The following COL19A1 variants were observed in gnomAD, a reference collection of about 807,000 sequenced individuals.
COL19A1 encodes the protein collagen alpha-1(XIX) chain.
A neutral mutation model predicts 190.2 loss-of-function variants in COL19A1; 159 were observed. That is an observed-to-expected ratio of 0.84 (90% CI 0.73 to 0.95). The LOEUF (loss-of-function observed/expected upper bound fraction) is 0.95. Ranked by LOEUF, COL19A1 falls within the 40% of genes least tolerant of loss-of-function variation. COL19A1 has a pLI of 0.00. For synonymous variants in COL19A1, 509 were observed against 458.9 expected, an observed-to-expected ratio of 1.11 and a Z score of -1.39; for missense variants, 1,418 against 1,431.9, an observed-to-expected ratio of 0.99 and a Z score of 0.16.
chr6:70,133,805 C>G (rs1008861236), intron 18 of COL19A1, among the ~76,000 whole-genome samples: 1 of 152,124 alleles, frequency 6.6e-6, no homozygotes, highest in African/African-American at 2.4e-5. Flanking sequence ...CCATATGTGT[C>G]TAAGGTTCAG....
chr6:70,090,222 A>G (rs1782823790), intron 15 of COL19A1, among the ~76,000 whole-genome samples: 1 of 152,096 alleles, frequency 6.6e-6, no homozygotes. Flanking sequence ...TGGAAATGTT[A>G]TACGGTCAGC....
intron 4 of COL19A1, among the ~76,000 whole-genome samples, chr6:69,913,210 T>C (rs1380155550): frequency 1.3e-5 from 2 of 152,254 alleles, no homozygotes; most frequent in Non-Finnish European, 2.9e-5. Context: ...AAGAGGGCTA[T>C]ATTGAGAAAA....
In COL19A1 at chr6:69,921,466, A is replaced by G. The variant is rs1389146771; in HGVS notation, c.267-6443A>G. The stretch of plus-strand genomic sequence containing the variant: ...ATATCATATATCATATATATCATAT[A>G]TATTCATATATTCATATATATTCAT... On this transcript the variant is annotated intron_variant, in intron 4 of 50. Transcript: ENST00000620364. Among the ~76,000 whole-genome samples the G allele has an allele frequency of 5.0e-5, 6 of 120,390 alleles. 1 individual carries two copies. Among genetic ancestry groups the G allele is most frequent in the Non-Finnish European group, 8.0e-5 (5 of 62,574 alleles). The allele number at this position is 120,390 out of a possible 152,430, so 79.0% of individuals were successfully genotyped here. A position where few individuals can be genotyped will look rare whatever the true frequency, so the allele number is the denominator to read the frequency against.
chr6:70,091,798 A>C (rs1782942538), intron 15 of COL19A1, among the ~76,000 whole-genome samples: 1 of 152,146 alleles, frequency 6.6e-6, no homozygotes, highest in African/African-American at 2.4e-5. Context: ...CTGGGTCACC[A>C]GCTTTCCCAG....
chr6:70,065,661 G>A (rs1156378064), intron 14 of COL19A1, among the ~76,000 whole-genome samples: 2 of 152,186 alleles, frequency 1.3e-5, no homozygotes, highest in African/African-American at 4.8e-5. Flanking sequence ...TGCCATCAGA[G>A]TGAACAGGCA....
intron 15 of COL19A1, among the ~76,000 whole-genome samples, chr6:70,096,082 C>CTTTTT (rs1783243825): frequency 9.4e-6 from 1 of 106,640 alleles, no homozygotes. Flanking sequence ...TACGGTAACT[C>CTTTTT]TATTTTTTTT....
chr6:70,121,896 A>C lies in COL19A1; in HGVS notation c.1295A>C (p.Gln432Pro). ...PPGPPGPPGI[Q>P]GIHQTLGGYY... ...ATAATACAGGGACCTCCTGGAATAC[A>C]AGGAATACACCAAACTCTTGGTGGA... The change falls in exon 17 of 51, where the codon CAA becomes CCA. Residue 432 changes from glutamine (Q) to proline (P), a missense_variant. Transcript: ENST00000620364. 3.8e-6 allele frequency: 6 copies of C among 1,588,398 alleles called. No individual in the cohort carries two copies. The highest frequency in any genetic ancestry group is 5.1e-6 in the Non-Finnish European group (6 of 1,169,002).
At chr6:70,070,950 A>G (rs1418466478) in intron 15 of COL19A1, among the ~76,000 whole-genome samples, 2 of 152,176 alleles carry the variant, frequency 1.3e-5, no homozygotes, top group South Asian at 2.1e-4. Context: ...TGGTTGACCA[A>G]GAAGGTATTG....
In COL19A1 at chr6:69,996,916, TTG is replaced by T. The variant is rs200468204; in HGVS notation, c.1027-26689_1027-26688del. Among the ~76,000 whole-genome samples the T allele has an allele frequency of 2.4e-3, 356 of 145,970 alleles. 3 individuals carry two copies. The highest frequency in any genetic ancestry group is 6.7e-3 in the East Asian group (33 of 4,948). Reference sequence around the variant, plus strand: ...TACATAATCTCTCTCTCAAAAAGACTTGTGTGTGTGTGTGTGTGTGTGTATAT... The same window carrying T: ...TACATAATCTCTCTCTCAAAAAGACTTGTGTGTGTGTGTGTGTGTGTATAT... On this transcript the variant is annotated intron_variant, in intron 11 of 50. Transcript: ENST00000620364.
At chr6:70,198,901 G>A (rs547591994) in intron 48 of COL19A1, among the ~76,000 whole-genome samples, 2 of 152,270 alleles carry the variant, frequency 1.3e-5, no homozygotes, top group South Asian at 4.2e-4. Flanking sequence ...CTTGACTAGG[G>A]CTGGATGATC....
In COL19A1 at chr6:70,131,580, C is replaced by T. The variant is rs1327989079; in HGVS notation, c.1383+1357C>T. On this transcript the variant is annotated intron_variant, in intron 18 of 50. Coordinates refer to ENST00000620364, the MANE Select transcript of COL19A1 (RefSeq NM_001858.6). ...ATTGCTAGTACATTAACATTATTTC[C>T]TGTAACCTAATAGCTAACAGAAACC... is the stretch of plus-strand genomic sequence containing the variant. Among the ~76,000 whole-genome samples the T allele has an allele frequency of 2.0e-5, 3 of 152,122 alleles. No individual in the cohort carries two copies. The South Asian group carries it at 6.2e-4, about 32-fold the overall frequency.
rs1482105104 is a variant in COL19A1, at chr6:70,156,213, T to C, written c.2166T>C (p.Tyr722=). The C allele has an allele frequency of 1.2e-6, 2 of 1,613,240 alleles. No homozygotes were observed. Among genetic ancestry groups the C allele is most frequent in the African/African-American group, 1.3e-5 (1 of 74,864 alleles). ...EEGGAGEPGK[Y]DSMARKGDIG... is the part of the protein sequence containing the mutation. ...GAGGTGCTGGTGAGCCTGGAAAGTA[T>C]GATTCCATGGCCCGGAAGGTGAGAA... The change falls in exon 32 of 51, where the codon TAT becomes TAC. Residue 722 remains tyrosine (Y), a synonymous_variant. Coordinates refer to ENST00000620364, the MANE Select transcript of COL19A1 (RefSeq NM_001858.6).
chr6:69,900,378 C>T (rs1425309617), intron 4 of COL19A1, 40 bp downstream of exon 4: 9 of 1,048,606 alleles, frequency 8.6e-6, no homozygotes, highest in Admixed American at 8.2e-5. Flanking sequence ...AATAATACTT[C>T]ATAAATTATT....
At chr6:70,075,935 T>G (rs1030295011) in intron 15 of COL19A1, among the ~76,000 whole-genome samples, 9 of 152,220 alleles carry the variant, frequency 5.9e-5, no homozygotes, top group Admixed American at 1.3e-4. Flanking sequence ...CTCTTTTATA[T>G]GGATTAGTAA....
At chr6:70,022,198 A>T (rs1367119850) in intron 11 of COL19A1, among the ~76,000 whole-genome samples, 1 of 152,214 alleles carries the variant, frequency 6.6e-6, no homozygotes, top group Admixed American at 6.5e-5. Flanking sequence ...AAATATAAAG[A>T]AGAGAATAAG....
intron 41 of COL19A1, among the ~76,000 whole-genome samples, chr6:70,174,114 A>G (rs1393825371): frequency 6.6e-6 from 1 of 152,200 alleles, no homozygotes; most frequent in Non-Finnish European, 1.5e-5. Context: ...AAATTTTCTC[A>G]GATAAAGAGG....
In COL19A1 at chr6:70,150,007, G is replaced by C. The variant is rs1296521872; in HGVS notation, c.1999G>C (p.Asp667His). Residue 667 changes from aspartate to histidine, a missense_variant, in exon 30 of 51, where the codon GAT becomes CAT. Physicochemically the swap from Asp to His is moderately conservative, Grantham distance 81 (BLOSUM62 -1). Transcript: ENST00000620364. ...CTGTTTTCAGGGAGTTCCAGGGAGA[G>C]ATGGAAAGCCAGGCCTGCCAGGCCC... ...TPGNDGVPGR[D>H]GKPGLPGPPG... The C allele has an allele frequency of 5.0e-6, 8 of 1,613,700 alleles. No individual in the cohort carries two copies. Among genetic ancestry groups the C allele is most frequent in the Admixed American group, 3.3e-5 (2 of 59,956 alleles).
chr6:69,932,885 A>T (rs1195624906), intron 7 of COL19A1, 22 bp downstream of exon 7: 3 of 1,446,712 alleles, frequency 2.1e-6, no homozygotes, highest in Non-Finnish European at 9.6e-7. Context: ...TTCTTTGCAT[A>T]TGAAGAATGA....
intron 14 of COL19A1, among the ~76,000 whole-genome samples, chr6:70,039,397 A>G (rs1037496095): frequency 2.0e-5 from 3 of 152,208 alleles, no homozygotes; most frequent in Non-Finnish European, 2.9e-5. Flanking sequence ...CAGCCTTCCT[A>G]GTCATACCTA....
Sources: allele counts gnomAD v4.1 joint callset (sites outside exome capture counted in the v4.1 genomes callset), GRCh38; gene constraint gnomAD v4.1.1; transcripts MANE v1.5; gene names NCBI Gene and HGNC (gene_info 2026-07-23, HGNC 2026-07-21).